Variants in GON4L observed in about 807,000 individuals in gnomAD.
GON4L encodes gon-4 like.
Under a neutral mutation model 211.8 loss-of-function variants are expected in GON4L, and 87 were observed. The observed-to-expected ratio is 0.41, with a 90% CI of 0.35 to 0.49. The LOEUF (loss-of-function observed/expected upper bound fraction) is 0.49, where lower values mean the gene tolerates loss of function less well. GON4L is among the 20% of genes least tolerant of loss of function. GON4L has a pLI of 0.15. For synonymous variants in GON4L, 875 were observed against 962.6 expected (o/e 0.91, Z 1.68); for missense variants, 2,155 against 2,659.5 (o/e 0.81, Z 4.17).
chr1:155,770,952 T>G, intron 19 of GON4L, 115 bp downstream of exon 19: 2 of 1,409,480 alleles, frequency 1.4e-6, no homozygotes, highest in Admixed American at 3.4e-5. Context: ...TAGTGTAAAG[T>G]GGGAGAAATT....
intron 12 of GON4L, among the ~76,000 whole-genome samples, chr1:155,787,346 A>C (rs2101927168): frequency 6.6e-6 from 1 of 152,368 alleles, no homozygotes; most frequent in East Asian, 1.9e-4. Context: ...AAGTTCAATA[A>C]GACACAGTTG....
chr1:155,805,830 C>G (rs1667074180), intron 10 of GON4L, among the ~76,000 whole-genome samples: 1 of 150,036 alleles, frequency 6.7e-6, no homozygotes, highest in Non-Finnish European at 1.5e-5. Context: ...GCTGGGATTA[C>G]AGGCACCAGC....
At chr1:155,764,720 T>G in intron 21 of GON4L, 1 of 945,412 alleles carries the variant, frequency 1.1e-6, no homozygotes, top group South Asian at 1.6e-5. Context: ...ACTACAGGAG[T>G]GAGCCACCAA....
chr1:155,820,732 A>G, intron 5 of GON4L, 76 bp from the exon 6 acceptor site: 1 of 1,115,036 alleles, frequency 9.0e-7, no homozygotes, highest in Non-Finnish European at 1.4e-6. Context: ...CTATAATCCT[A>G]GCACTTTAGG....
intron 13 of GON4L, 120 bp from the exon 14 acceptor site, chr1:155,784,209 A>G: frequency 1.5e-6 from 2 of 1,357,076 alleles, no homozygotes; most frequent in Admixed American, 1.9e-5. Flanking sequence ...GGCACCCAGA[A>G]AGAGCCAATG....
rs570086510 is a variant in GON4L at position 155,758,422 on chromosome 1, G to A, written c.5110-388C>T. Among the ~76,000 whole-genome samples the A allele has an allele frequency of 3.9e-5, 6 of 152,254 alleles. No homozygotes were observed. The East Asian group carries it at 7.7e-4, about 20-fold the overall frequency. ...GTTGGGAGGCCAAGGCAGGAGGATCGCTTAAGGCCAGGAGTTCAAGAACAG... is the reference window on the plus strand; with the variant it reads ...GTTGGGAGGCCAAGGCAGGAGGATCACTTAAGGCCAGGAGTTCAAGAACAG... On this transcript the variant is annotated intron_variant, in intron 24 of 31. Coordinates refer to ENST00000368331, the MANE Select transcript of GON4L (RefSeq NM_001282860.2).
At chr1:155,764,881 A>C in intron 21 of GON4L, 119 bp downstream of exon 21, 1 of 1,586,082 alleles carries the variant, frequency 6.3e-7, no homozygotes, top group South Asian at 1.1e-5. Context: ...TGCATTCACA[A>C]ATCAAATACA....
intron 2 of GON4L, among the ~76,000 whole-genome samples, chr1:155,836,043 A>G (rs1021085355): frequency 1.3e-5 from 2 of 152,092 alleles, no homozygotes; most frequent in Non-Finnish European, 2.9e-5. Flanking sequence ...CAGGAGTTCG[A>G]TACTAGCCTG....
intron 21 of GON4L, chr1:155,764,681 C>T (rs1662241864): frequency 4.7e-6 from 3 of 639,454 alleles, no homozygotes; most frequent in South Asian, 1.9e-5. Flanking sequence ...CCTTGTGATC[C>T]ACCCACCTCA....
At chr1:155,826,762 G>C in intron 3 of GON4L, 75 bp downstream of exon 3, 1 of 955,892 alleles carries the variant, frequency 1.0e-6, no homozygotes, top group Admixed American at 1.8e-5. Flanking sequence ...GGATATCTTA[G>C]GACATGTGCA....
intron 2 of GON4L, among the ~76,000 whole-genome samples, chr1:155,844,599 A>G (rs1294524249): frequency 3.9e-5 from 6 of 152,060 alleles, no homozygotes; most frequent in Non-Finnish European, 7.4e-5. Flanking sequence ...CTATAAAAAC[A>G]TTTAAAAATC....
rs1180606156 is a variant in GON4L, at chr1:155,853,596, T to C, written c.185A>G (p.Gln62Arg). The C allele has an allele frequency of 6.2e-7, 1 of 1,614,152 alleles. No individual in the cohort carries two copies. The highest frequency in any genetic ancestry group is 1.7e-5 in the Admixed American group (1 of 60,026). Reference protein sequence around the residue: ...SHGRVAGFEVQSLQDAGNQLG... With the variant: ...SHGRVAGFEVRSLQDAGNQLG... ...CTGATTTCCTGCATCCTGCAAAGACTGTACTTCGAAGCCAGCTACTCTGCC... is the reference window on the plus strand; with the variant it reads ...CTGATTTCCTGCATCCTGCAAAGACCGTACTTCGAAGCCAGCTACTCTGCC... The change falls in exon 2 of 32, where the codon CAG (glutamine) becomes CGG (arginine). Residue 62 changes from glutamine (Q) to arginine (R), a missense_variant. Around this residue, in one of 6 missense-constraint regions of GON4L, gnomAD observed 313 missense variants for 293.2 expected, o/e 1.07. Coordinates refer to ENST00000368331, the MANE Select transcript of GON4L (RefSeq NM_001282860.2).
At chr1:155,839,145 T>A (rs1369091369) in intron 2 of GON4L, among the ~76,000 whole-genome samples, 3 of 152,046 alleles carry the variant, frequency 2.0e-5, no homozygotes, top group Admixed American at 6.6e-5. Context: ...CTTGAAAAGG[T>A]TATTTATATA....
intron 8 of GON4L, 109 bp from the exon 9 acceptor site, chr1:155,814,558 C>T (rs1668068447): frequency 1.7e-6 from 2 of 1,166,080 alleles, no homozygotes; most frequent in African/African-American, 3.0e-5. Context: ...TCAGCCTGGC[C>T]AACATGGTGA....
intron 2 of GON4L, among the ~76,000 whole-genome samples, chr1:155,829,960 T>G (rs1669594175): frequency 6.6e-6 from 1 of 151,786 alleles, no homozygotes; most frequent in African/African-American, 2.4e-5. Context: ...TTTTTGTTTT[T>G]TTTTTTTCCA....
In GON4L at chr1:155,760,595, AG is replaced by A; in HGVS notation, c.4957del (p.Leu1653PhefsTer17). 6.2e-7 allele frequency: 1 copy of A among 1,613,646 alleles called. No individual in the cohort carries two copies. Among genetic ancestry groups the A allele is most frequent in the Non-Finnish European group, 8.5e-7 (1 of 1,179,564 alleles). On this transcript the variant is annotated frameshift_variant, in exon 24 of 32. Coordinates refer to ENST00000368331, the MANE Select transcript of GON4L (RefSeq NM_001282860.2). LOFTEE classifies it high-confidence loss of function. ...QHIPGKYEDF[L>X]QVIYEFESST... ...TGACTCAAATTCATAGATGACTTGA[AG>A]GAAGTCTTCATACTTGCCAGGGATA... is the stretch of plus-strand genomic sequence containing the variant.
At chr1:155,815,775 G>C (rs748736141) in intron 8 of GON4L, 30 bp downstream of exon 8, 9 of 1,239,870 alleles carry the variant, frequency 7.3e-6, no homozygotes, top group Non-Finnish European at 1.0e-5. Context: ...GCTCTATTAA[G>C]ACAAATATTA....
chr1:155,802,319 G>GGT (rs1370435056), intron 11 of GON4L, among the ~76,000 whole-genome samples: 2 of 144,788 alleles, frequency 1.4e-5, no homozygotes, highest in Admixed American at 7.0e-5. Context: ...CCTTGGGGGG[G>GGT]GGGAAGGCTT....
chr1:155,768,308 T>G (rs1261285456), intron 19 of GON4L, among the ~76,000 whole-genome samples: 1 of 12,116 alleles, frequency 8.3e-5, no homozygotes, highest in Non-Finnish European at 2.3e-4. Flanking sequence ...AGACTCCGTC[T>G]CAAAAAAAAA....
Sources: allele counts gnomAD v4.1 joint callset (sites outside exome capture counted in the v4.1 genomes callset), GRCh38; gene constraint gnomAD v4.1.1; regional missense constraint gnomAD v4.1.1; transcripts MANE v1.5; gene names NCBI Gene and HGNC (gene_info 2026-07-23, HGNC 2026-07-21).